TM6SF1: variants seen among roughly 807,000 people sequenced by gnomAD.
The protein encoded by TM6SF1 is transmembrane 6 superfamily member 1.
TM6SF1 carries 43 observed loss-of-function variants against 47.1 expected under a neutral mutation model. The ratio of observed to expected loss-of-function variants is 0.91; its 90% confidence interval spans 0.72 to 1.18. TM6SF1 has a LOEUF of 1.18. TM6SF1 is among the 50% of genes most tolerant of loss of function. The probability of loss-of-function intolerance (pLI) is 0.00; values close to 1 mark genes in which losing one functional copy is unlikely to be tolerated. For missense variants in TM6SF1, 390 were observed against 449.0 expected (o/e 0.87, Z 1.19); for synonymous variants, 177 against 166.3 (o/e 1.06, Z -0.49).
rs201167657 is a variant in TM6SF1, at chr15:83,131,630, C to CA, written c.921+4161dup. The CA allele has an allele frequency of 3.2e-3, 485 of 151,288 alleles. 4 individuals carry two copies. Among genetic ancestry groups the CA allele is most frequent in the African/African-American group, 0.011 (460 of 41,154 alleles). 9.4% of individuals were successfully genotyped at this position (151,288 alleles called of 1,614,324 possible). On this transcript the variant is annotated intron_variant, in intron 9 of 9. Coordinates refer to ENST00000322019, the MANE Select transcript of TM6SF1 (RefSeq NM_023003.5). ...CCTGGGTGACAGAGCAAGACTGTCT[C>CA]AAAAAAAAGAAAGAAAAAAGAGTGA...
intron 2 of TM6SF1, chr15:83,115,499 G>A (rs530948638): frequency 4.9e-6 from 2 of 410,918 alleles, no homozygotes; most frequent in African/African-American, 2.0e-5. Flanking sequence ...CTGCCCATGT[G>A]GGATGTGGGT....
chr15:83,129,167 AT>A (rs1026510336), intron 9 of TM6SF1: 7 of 147,420 alleles, frequency 4.7e-5, no homozygotes, highest in South Asian at 2.2e-4. Context: ...TCTCCAACCC[AT>A]TTTTTTTTTC....
intron 9 of TM6SF1, chr15:83,133,070 T>C (rs1299860997): frequency 6.6e-6 from 1 of 152,208 alleles, no homozygotes; most frequent in Admixed American, 6.5e-5. Context: ...ATCACCTCAC[T>C]GAACCCTCAT....
intron 2 of TM6SF1, chr15:83,113,745 C>G (rs2034404022): frequency 6.6e-6 from 1 of 152,662 alleles, no homozygotes; most frequent in South Asian, 2.1e-4. Flanking sequence ...CCCAGGCATG[C>G]CCTTCTCATG....
chr15:83,111,226 A>C lies in TM6SF1; in HGVS notation c.93-1571A>C, dbSNP rs374384326. Among the ~76,000 whole-genome samples the C allele has an allele frequency of 2.4e-4, 36 of 151,988 alleles. No individual in the cohort carries two copies. In the East Asian group the frequency reaches 6.0e-3, roughly 25 times the overall value. ...TCATTTATCCATCCATCCTCCATAC[A>C]TTCACCCATACTCCATCCATCCACT... On this transcript the variant is annotated intron_variant, in intron 1 of 9. Coordinates refer to ENST00000322019, the MANE Select transcript of TM6SF1 (RefSeq NM_023003.5).
At chr15:83,127,759 A>G in intron 9 of TM6SF1, 1 of 335,954 alleles carries the variant, frequency 3.0e-6, no homozygotes, top group African/African-American at 2.2e-5. Flanking sequence ...AGCATGTGGC[A>G]TTGTTGTTTT....
rs1224064937 is a variant in TM6SF1 at position 83,122,740 on chromosome 15, TTC to T, written c.482-11_482-10del. The T allele has an allele frequency of 2.5e-6, 4 of 1,610,686 alleles. No individual in the cohort carries two copies. The East Asian group carries it at 6.7e-5, about 27-fold the overall frequency. On this transcript the variant is annotated splice_polypyrimidine_tract_variant and intron_variant, in intron 5 of 9. Transcript: ENST00000322019. ...TATGCTTTTGGTAACTTCTTTCTCTTTCTCTCTTTTAAATAGGGAAGTATGGA... is the reference window on the plus strand; with the variant it reads ...TATGCTTTTGGTAACTTCTTTCTCTTTCTCTTTTAAATAGGGAAGTATGGA...
rs866262617 is a variant in TM6SF1, at chr15:83,136,761, C to A, written c.*89C>A. The A allele has an allele frequency of 6.5e-5, 70 of 1,074,596 alleles. 1 individual carries two copies. Among genetic ancestry groups the A allele is most frequent in the South Asian group, 2.6e-4 (16 of 62,592 alleles). 66.6% of individuals were successfully genotyped at this position (1,074,596 alleles called of 1,614,324 possible). A position where few individuals can be genotyped will look rare whatever the true frequency, so the allele number is the denominator to read the frequency against. On this transcript the variant is annotated 3_prime_UTR_variant, in exon 10 of 10. Transcript: ENST00000322019. The stretch of plus-strand genomic sequence containing the variant: ...TGTCCCATTTCACTCTCTTCTCATA[C>A]GTGAGTACTTAAGAATATGTACATT...
intron 1 of TM6SF1, among the ~76,000 whole-genome samples, chr15:83,111,212 T>A (rs2034129346): frequency 6.6e-6 from 1 of 152,050 alleles, no homozygotes; most frequent in South Asian, 2.1e-4. Flanking sequence ...CATTTATCCA[T>A]CCATCCTCCA....
chr15:83,127,220 T>TA (rs59121495), intron 8 of TM6SF1, 138 bp from the exon 9 acceptor site: 43,420 of 641,136 alleles, frequency 0.068, 593 homozygotes, highest in African/African-American at 0.15. Context: ...AAAATAAAAG[T>TA]AAAAAAAAAA....
intron 6 of TM6SF1, among the ~76,000 whole-genome samples, chr15:83,123,890 A>G (rs1041501399): frequency 6.6e-6 from 1 of 152,268 alleles, no homozygotes; most frequent in African/African-American, 2.4e-5. Flanking sequence ...ATTGTCATAC[A>G]GTGCTGACAG....
intron 5 of TM6SF1, 72 bp downstream of exon 5, chr15:83,122,075 CT>C: frequency 8.2e-7 from 1 of 1,212,550 alleles, no homozygotes; most frequent in South Asian, 1.3e-5. Flanking sequence ...TAGAGAAGCT[CT>C]TTTAGTTATA....
chr15:83,112,759 T>A (rs748296919), intron 1 of TM6SF1, 38 bp from the exon 2 acceptor site: 15 of 1,456,586 alleles, frequency 1.0e-5, no homozygotes, highest in Non-Finnish European at 1.4e-5. Flanking sequence ...AATGTGTTTA[T>A]TTTGATAGTG....
chr15:83,122,020 T>TA lies in TM6SF1; in HGVS notation c.481+20dup, dbSNP rs749596432. ...ACATTGTAGGTAAGAAACTTTATCT[T>TA]AAAGTTCACTTTCCTTTTCTAAAAC... On this transcript the variant is annotated intron_variant, in intron 5 of 9. Coordinates refer to ENST00000322019, the MANE Select transcript of TM6SF1 (RefSeq NM_023003.5). 2 of 1,580,878 alleles carry TA rather than the reference T, an allele frequency of 1.3e-6. No individual in the cohort carries two copies. The highest frequency in any genetic ancestry group is 1.7e-5 in the Admixed American group (1 of 58,308).
In TM6SF1 at chr15:83,127,723, A is replaced by C; in HGVS notation, c.921+246A>C. 1.1e-5 allele frequency: 4 copies of C among 377,998 alleles called. No homozygotes were observed. In the South Asian group the frequency reaches 1.1e-4, roughly 11 times the overall value. 23.4% of individuals were successfully genotyped at this position (377,998 alleles called of 1,614,324 possible). The stretch of plus-strand genomic sequence containing the variant: ...AGTTATCTGTGGTCCAGTGAAGTTA[A>C]ATGATTTGCCCAAGGTTACACACCC... On this transcript the variant is annotated intron_variant, in intron 9 of 9. Transcript: ENST00000322019.
Position 83,121,971 on chromosome 15 carries a change from GTGT to G in TM6SF1, c.457_459del (p.Val153del), listed in dbSNP as rs778148794. On this transcript the variant is annotated inframe_deletion, in exon 5 of 10. Coordinates refer to ENST00000322019, the MANE Select transcript of TM6SF1 (RefSeq NM_023003.5). Reference sequence around the variant, plus strand: ...TATTGGGTTGGATCTATTATTATGAGTGTTGTTGTTTTTGTGCCAGGAAACATT... The same window carrying G: ...TATTGGGTTGGATCTATTATTATGAGTGTTGTTTTTGTGCCAGGAAACATT... The G allele has an allele frequency of 8.7e-6, 14 of 1,611,418 alleles. No homozygotes were observed. The highest frequency in any genetic ancestry group is 2.7e-5 in the African/African-American group (2 of 74,788).
chr15:83,126,974 CGAGGTCAG>C (rs1337660844), intron 8 of TM6SF1, 127 bp downstream of exon 8: 2 of 697,110 alleles, frequency 2.9e-6, no homozygotes, highest in East Asian at 5.9e-5. Flanking sequence ...AGGTTGATCA[CGAGGTCAG>C]GAGTTTGAAA....
At chr15:83,125,268 C>G (rs919921153) in intron 7 of TM6SF1, among the ~76,000 whole-genome samples, 5 of 152,134 alleles carry the variant, frequency 3.3e-5, no homozygotes, top group African/African-American at 1.2e-4. Flanking sequence ...ATTCATCTCA[C>G]GCCTGGAGTC....
At chr15:83,131,767 G>A (rs899031468) in intron 9 of TM6SF1, 3 of 152,162 alleles carry the variant, frequency 2.0e-5, no homozygotes, top group African/African-American at 7.2e-5. Context: ...AATGAAACCA[G>A]GACACATTTT....
Sources: gnomAD v4.1 joint callset for allele counts (sites outside exome capture counted in the v4.1 genomes callset) on GRCh38, gnomAD v4.1.1 for gene constraint, MANE v1.5 for transcripts, NCBI Gene and HGNC (gene_info 2026-07-23, HGNC 2026-07-21) for gene names.